The following AMPH variants were observed in gnomAD, a reference collection of about 807,000 sequenced individuals.
AMPH encodes amphiphysin.
Under a neutral mutation model 99.1 loss-of-function variants are expected in AMPH, and 49 were observed. That is an observed-to-expected ratio of 0.49 (90% CI 0.39 to 0.63). The LOEUF is 0.63. Among genes scored for constraint, AMPH ranks in the 20% least tolerant of loss-of-function variants. AMPH has a pLI of 0.00. For missense variants in AMPH, 759 were observed against 863.4 expected (o/e 0.88, Z 1.52); for synonymous variants, 314 against 317.3 (o/e 0.99, Z 0.11).
intron 5 of AMPH, among the ~76,000 whole-genome samples, chr7:38,487,572 A>G (rs1349885412): frequency 1.3e-5 from 2 of 152,198 alleles, no homozygotes; most frequent in Non-Finnish European, 2.9e-5. Context: ...TAAAAACCCT[A>G]GAAGAAAACC....
At chr7:38,428,443 C>T (rs1477485905) in intron 14 of AMPH, 6 of 456,706 alleles carry the variant, frequency 1.3e-5, no homozygotes, top group South Asian at 9.3e-5. Context: ...CTAGACTGAG[C>T]TTCTACTTCA....
At chr7:38,489,515 T>C (rs1269490374) in intron 5 of AMPH, among the ~76,000 whole-genome samples, 2 of 151,746 alleles carry the variant, frequency 1.3e-5, no homozygotes, top group African/African-American at 2.4e-5. Context: ...AAAGCAAAAA[T>C]AGACAAGAGG....
chr7:38,478,706 T>C (rs1788176229), intron 5 of AMPH, among the ~76,000 whole-genome samples: 1 of 152,132 alleles, frequency 6.6e-6, no homozygotes, highest in African/African-American at 2.4e-5. Flanking sequence ...AGTATCTAGT[T>C]TGAAAAAGTC....
chr7:38,543,307 A>T (rs990174481), intron 1 of AMPH, among the ~76,000 whole-genome samples: 14 of 152,180 alleles, frequency 9.2e-5, no homozygotes, highest in African/African-American at 3.4e-4. Flanking sequence ...ATATTAAAGA[A>T]GATGTTGACT....
At chr7:38,522,981 G>A (rs979483452) in intron 2 of AMPH, among the ~76,000 whole-genome samples, 7 of 151,838 alleles carry the variant, frequency 4.6e-5, no homozygotes, top group South Asian at 2.1e-4. Context: ...AGTGGTGGGC[G>A]CCTGTAATCC....
chr7:38,476,421 A>G (rs1788088052), intron 6 of AMPH, among the ~76,000 whole-genome samples: 1 of 152,232 alleles, frequency 6.6e-6, no homozygotes. Context: ...TAACTTGCTG[A>G]CATACATGGT....
chr7:38,504,366 C>T (rs908774220), intron 2 of AMPH, among the ~76,000 whole-genome samples: 13 of 152,158 alleles, frequency 8.5e-5, no homozygotes, highest in African/African-American at 3.1e-4. Context: ...ATATGAATGC[C>T]TGTTTTGGTT....
chr7:38,521,148 G>A (rs750915527), intron 2 of AMPH, among the ~76,000 whole-genome samples: 23 of 96,492 alleles, frequency 2.4e-4, no homozygotes, highest in Non-Finnish European at 4.2e-4. Context: ...TTTGCTCCAA[G>A]TCATGTAAAT....
intron 12 of AMPH, among the ~76,000 whole-genome samples, chr7:38,433,958 G>T (rs1584085987): frequency 6.6e-6 from 1 of 152,108 alleles, no homozygotes; most frequent in Admixed American, 6.5e-5. Flanking sequence ...ATGGGGTCAG[G>T]TGATGGGTAA....
At position 38,425,914 on chromosome 7, in the gene AMPH, G is replaced by T. The variant is rs1785767141; in HGVS notation, c.1215+1040C>A. Among the ~76,000 whole-genome samples, 4 of 152,100 alleles carry T rather than the reference G, an allele frequency of 2.6e-5. No homozygotes were observed. In the South Asian group the frequency reaches 8.3e-4, roughly 32 times the overall value. The stretch of plus-strand genomic sequence containing the variant: ...ATTATGTGCATTAATAACTCTGATG[G>T]AAATACAAACCTGAAAAGAATGAGA... On this transcript the variant is annotated intron_variant, in intron 15 of 20. Coordinates refer to ENST00000356264, the MANE Select transcript of AMPH (RefSeq NM_001635.4).
chr7:38,398,559 A>G (rs549056304), intron 17 of AMPH, among the ~76,000 whole-genome samples: 1 of 152,308 alleles, frequency 6.6e-6, no homozygotes, highest in Admixed American at 6.5e-5. Context: ...GGTAGTGAGG[A>G]AGTAGGGGGG....
intron 6 of AMPH, among the ~76,000 whole-genome samples, 164 bp downstream of exon 6, chr7:38,476,698 A>G (rs1788098040): frequency 1.3e-5 from 2 of 152,214 alleles, no homozygotes; most frequent in Admixed American, 6.5e-5. Context: ...AATATAATGA[A>G]AAGCCTTATT....
intron 1 of AMPH, among the ~76,000 whole-genome samples, chr7:38,576,246 T>C (rs1282377030): frequency 6.6e-6 from 1 of 152,118 alleles, no homozygotes; most frequent in Non-Finnish European, 1.5e-5. Context: ...AAAAAACAAA[T>C]AAATGAACAA....
In AMPH at chr7:38,465,529, T is replaced by C. The variant is rs535780157; in HGVS notation, c.687A>G (p.Glu229=). Residue 229 remains glutamate, a synonymous_variant, in exon 9 of 21, where the codon GAA becomes GAG. Transcript: ENST00000356264. ...EIAVLCHKLY[E]VMTKLGDQHA... is the part of the protein sequence containing the mutation. ...GCTGGTCACCCAGTTTTGTCATCACTTCATACAGTTTGTGGCAAAGCTAAG... is the reference window on the plus strand; with the variant it reads ...GCTGGTCACCCAGTTTTGTCATCACCTCATACAGTTTGTGGCAAAGCTAAG... The C allele has an allele frequency of 2.5e-6, 4 of 1,583,644 alleles. No homozygotes were observed. In the African/African-American group the frequency reaches 5.3e-5, roughly 21 times the overall value.
chr7:38,483,450 G>A (rs1363220438), intron 5 of AMPH, among the ~76,000 whole-genome samples: 1 of 152,142 alleles, frequency 6.6e-6, no homozygotes, highest in Non-Finnish European at 1.5e-5. Context: ...TTCTATCTAT[G>A]CAGGGAAAGA....
At chr7:38,435,867 A>C (rs895771620) in intron 12 of AMPH, among the ~76,000 whole-genome samples, 1 of 152,210 alleles carries the variant, frequency 6.6e-6, no homozygotes, top group Admixed American at 6.5e-5. Flanking sequence ...CATTGCAAAC[A>C]CACTTTAACT....
intron 1 of AMPH, among the ~76,000 whole-genome samples, chr7:38,561,910 T>C (rs1055206669): frequency 1.3e-5 from 2 of 149,116 alleles, no homozygotes; most frequent in Non-Finnish European, 3.0e-5. Flanking sequence ...GGCACCTTGA[T>C]CTTGGACTTG....
At chr7:38,461,084 A>T (rs1031315273) in intron 11 of AMPH, among the ~76,000 whole-genome samples, 199 bp downstream of exon 11, 6 of 152,046 alleles carry the variant, frequency 3.9e-5, no homozygotes, top group East Asian at 1.9e-4. Flanking sequence ...ACCCTTAATT[A>T]AAAAAAAGAT....
At chr7:38,528,925 G>T (rs1790293232) in intron 2 of AMPH, among the ~76,000 whole-genome samples, 1 of 152,020 alleles carries the variant, frequency 6.6e-6, no homozygotes, top group African/African-American at 2.4e-5. Context: ...CCAAGGCCTT[G>T]TATTCGCTGA....
Sources: allele counts gnomAD v4.1 joint callset (sites outside exome capture counted in the v4.1 genomes callset), GRCh38; gene constraint gnomAD v4.1.1; transcripts MANE v1.5; gene names NCBI Gene and HGNC (gene_info 2026-07-23, HGNC 2026-07-21).